CCDC15: variants seen among roughly 807,000 people sequenced by gnomAD.
CCDC15 encodes the protein coiled-coil domain-containing protein 15.
A neutral mutation model predicts 114.5 loss-of-function variants in CCDC15; 105 were observed. The ratio of observed to expected loss-of-function variants is 0.92; its 90% CI spans 0.78 to 1.08. The LOEUF is 1.08. Ranked by LOEUF, CCDC15 falls within the 50% of genes least tolerant of loss-of-function variation. The pLI is 0.00. For synonymous variants in CCDC15, 334 were observed against 377.8 expected (o/e 0.88, Z 1.34); for missense variants, 1,105 against 1,093.6 (o/e 1.01, Z -0.15).
Position 125,040,707 on chromosome 11 carries a change from T to C in CCDC15, c.2852T>C (p.Leu951Pro). 1 of 1,611,370 alleles carries C rather than the reference T, an allele frequency of 6.2e-7. No individual in the cohort carries two copies. Among genetic ancestry groups the C allele is most frequent in the East Asian group, 2.2e-5 (1 of 44,852 alleles). Residue 951 changes from leucine to proline, a missense_variant, in exon 16 of 16, where the codon CTA (leucine) becomes CCA (proline). Coordinates refer to ENST00000344762, the MANE Select transcript of CCDC15 (RefSeq NM_025004.3). ...GCACACAGGCGGACTTTGAAAAATC[T>C]ATAATAAGAATCTGAAATTAACTGG... Reference protein sequence around the residue: ...ASAHRRTLKNL With the variant: ...ASAHRRTLKNP
chr11:124,996,986 A>G (rs888475869), intron 11 of CCDC15, among the ~76,000 whole-genome samples: 8 of 152,218 alleles, frequency 5.3e-5, no homozygotes, highest in Admixed American at 3.9e-4. Flanking sequence ...TACAGTATGA[A>G]TCCTGTTGTG....
intron 4 of CCDC15, 22 bp downstream of exon 4, chr11:124,960,025 T>A: frequency 6.6e-7 from 1 of 1,511,496 alleles, no homozygotes. Flanking sequence ...TTCTTTTTAT[T>A]TTATGTCTAT....
chr11:125,014,398 G>A (rs1948615142), intron 13 of CCDC15, among the ~76,000 whole-genome samples: 1 of 152,100 alleles, frequency 6.6e-6, no homozygotes, highest in Admixed American at 6.6e-5. Context: ...AGAAGTAGAT[G>A]TCCAAAAGCC....
chr11:124,966,544 G>T (rs7936861), intron 4 of CCDC15, among the ~76,000 whole-genome samples: 26,676 of 151,692 alleles, frequency 0.18, 2,555 homozygotes, highest in African/African-American at 0.24. Context: ...GCCTCTGCAC[G>T]TGTGATGGGT....
intron 11 of CCDC15, among the ~76,000 whole-genome samples, chr11:124,996,793 T>C (rs1948379497): frequency 6.6e-6 from 1 of 152,254 alleles, no homozygotes; most frequent in Non-Finnish European, 1.5e-5. Context: ...ATGAGTGAAA[T>C]CATACAGTAT....
At position 125,039,093 on chromosome 11, in the gene CCDC15, A is replaced by C. The variant is rs546719375; in HGVS notation, c.2734+24A>C. 1.9e-6 allele frequency: 3 copies of C among 1,562,534 alleles called. No homozygotes were observed. The Admixed American group carries it at 5.6e-5, about 29-fold the overall frequency. On this transcript the variant is annotated intron_variant, in intron 15 of 15. Coordinates refer to ENST00000344762, the MANE Select transcript of CCDC15 (RefSeq NM_025004.3). ...AGGTAAGTTTCTTGAAGGAATAGTC[A>C]GGGCCTAATGGCAACAAGAAAAATA...
At chr11:124,954,702 G>T (rs941909207) in intron 1 of CCDC15, 22 bp from the exon 2 acceptor site, 2 of 1,609,122 alleles carry the variant, frequency 1.2e-6, no homozygotes, top group Non-Finnish European at 1.7e-6. Flanking sequence ...AAGATTTTAA[G>T]CTTTTTCTTT....
chr11:125,040,390 A>T (rs1041993168), intron 15 of CCDC15, among the ~76,000 whole-genome samples, 200 bp from the exon 16 acceptor site: 1 of 152,118 alleles, frequency 6.6e-6, no homozygotes, highest in Non-Finnish European at 1.5e-5. Flanking sequence ...TGGCAACTTA[A>T]TTATTTTTGT....
intron 5 of CCDC15, among the ~76,000 whole-genome samples, chr11:124,976,213 A>AT (rs1947970420): frequency 6.7e-6 from 1 of 148,888 alleles, no homozygotes; most frequent in Non-Finnish European, 1.5e-5. Flanking sequence ...GAATATGCAT[A>AT]TAATATATAT....
chr11:125,039,255 G>A, intron 15 of CCDC15, 186 bp downstream of exon 15: 1 of 465,148 alleles, frequency 2.1e-6, no homozygotes, highest in Non-Finnish European at 3.6e-6. Flanking sequence ...TTTGAGATCT[G>A]TTATCTTCTT....
At chr11:124,955,497 T>C (rs554251629) in intron 2 of CCDC15, among the ~76,000 whole-genome samples, 15 of 152,364 alleles carry the variant, frequency 9.8e-5, no homozygotes, top group South Asian at 4.1e-4. Flanking sequence ...CATTGTGTTA[T>C]AGTAGATTGT....
intron 11 of CCDC15, among the ~76,000 whole-genome samples, chr11:124,998,737 C>CTT (rs35263582): frequency 6.9e-5 from 9 of 129,934 alleles, no homozygotes; most frequent in East Asian, 2.2e-4. Flanking sequence ...AGAGTCTCTA[C>CTT]TTTTTTTTTT....
rs146292043 is a variant in CCDC15 at position 124,986,667 on chromosome 11, CTGTGTGTGTGTGTG to C, written c.754-65_754-52del. 9 of 1,089,544 alleles carry C rather than the reference CTGTGTGTGTGTGTG, an allele frequency of 8.3e-6. No homozygotes were observed. In the South Asian group the frequency reaches 1.7e-4, roughly 21 times the overall value. The allele number at this position is 1,089,544 out of a possible 1,614,324, so 67.5% of individuals were successfully genotyped here. On this transcript the variant is annotated intron_variant, in intron 6 of 15. Coordinates refer to ENST00000344762, the MANE Select transcript of CCDC15 (RefSeq NM_025004.3). ...TTCTTCCTATAATAGCTACATGGTG[CTGTGTGTGTGTGTG>C]TGTGTGTGTTTGTGTGTGTGCGCGC... is the stretch of plus-strand genomic sequence containing the variant.
chr11:124,967,130 C>T (rs1201587182), intron 4 of CCDC15, among the ~76,000 whole-genome samples: 7 of 152,210 alleles, frequency 4.6e-5, no homozygotes, highest in South Asian at 2.1e-4. Flanking sequence ...TTGCTCTTCT[C>T]GAGGAGTATC....
rs1223354883 is a variant in CCDC15 at position 125,036,227 on chromosome 11, A to G, written c.2412-2204A>G. 3.3e-4 allele frequency among the ~76,000 whole-genome samples: 41 copies of G among 124,832 alleles called. 1 individual carries two copies. The highest frequency in any genetic ancestry group is 1.3e-3 in the African/African-American group (40 of 31,154). 81.9% of individuals were successfully genotyped at this position (124,832 alleles called of 152,430 possible). ...AGTCTTGAATTCTCCTTCATGTTTG[A>G]ATAATATTTTCACCAGACATACTAT... On this transcript the variant is annotated intron_variant, in intron 13 of 15. Coordinates refer to ENST00000344762, the MANE Select transcript of CCDC15 (RefSeq NM_025004.3).
At chr11:124,970,898 G>A (rs372025180) in intron 4 of CCDC15, among the ~76,000 whole-genome samples, 76 of 152,140 alleles carry the variant, frequency 5.0e-4, no homozygotes, top group Admixed American at 2.4e-3. Flanking sequence ...TACAATTTTC[G>A]TTTTGTTACA....
At chr11:125,022,318 A>G (rs1266769930) in intron 13 of CCDC15, among the ~76,000 whole-genome samples, 2 of 151,900 alleles carry the variant, frequency 1.3e-5, no homozygotes, top group Non-Finnish European at 2.9e-5. Context: ...CCAAGCTGCA[A>G]TAATGTTTTT....
chr11:125,005,030 C>T (rs1294562258), intron 12 of CCDC15, 79 bp from the exon 13 acceptor site: 4 of 602,940 alleles, frequency 6.6e-6, no homozygotes, highest in Non-Finnish European at 8.6e-6. Context: ...TTGTTTTTGT[C>T]TATGGTATAA....
rs371168732 is a variant in CCDC15 at position 125,040,692 on chromosome 11, G to A, written c.2837G>A (p.Arg946Gln). Residue 946 changes from arginine to glutamine, a missense_variant, in exon 16 of 16, where the codon CGG (arginine) becomes CAG (glutamine). Physicochemically the swap from Arg to Gln is conservative, Grantham distance 43 (BLOSUM62 1). Coordinates refer to ENST00000344762, the MANE Select transcript of CCDC15 (RefSeq NM_025004.3). ...CATAATTTTGCTTCTGCACACAGGCGGACTTTGAAAAATCTATAATAAGAA... is the reference window on the plus strand; with the variant it reads ...CATAATTTTGCTTCTGCACACAGGCAGACTTTGAAAAATCTATAATAAGAA... ...AIHNFASAHR[R>Q]TLKNL is the part of the protein sequence containing the mutation. 100 of 1,611,344 alleles carry A rather than the reference G, an allele frequency of 6.2e-5. No homozygotes were observed. The highest frequency in any genetic ancestry group is 1.6e-4 in the Middle Eastern group (1 of 6,080).
Sources: gnomAD v4.1 joint callset for allele counts (sites outside exome capture counted in the v4.1 genomes callset) on GRCh38, gnomAD v4.1.1 for gene constraint, MANE v1.5 for transcripts, NCBI Gene and HGNC (gene_info 2026-07-23, HGNC 2026-07-21) for gene names.